CMIP: variants seen among roughly 807,000 people sequenced by gnomAD.
CMIP encodes the protein C-Maf-inducing protein.
Under a neutral mutation model 97.3 loss-of-function variants are expected in CMIP, and 13 were observed. The ratio of observed to expected loss-of-function variants is 0.13; its 90% CI spans 0.09 to 0.21. The LOEUF is 0.21. CMIP is among the 10% of genes least tolerant of loss of function. The pLI is 1.00. For synonymous variants in CMIP, 538 were observed against 436.3 expected (o/e 1.23, Z -2.91); for missense variants, 847 against 1,024.9 (o/e 0.83, Z 2.37).
intron 1 of CMIP, among the ~76,000 whole-genome samples, chr16:81,502,367 A>G (rs1350314433): frequency 2.6e-5 from 4 of 152,154 alleles, no homozygotes; most frequent in Non-Finnish European, 4.4e-5. Context: ...CAACTTATGT[A>G]TTGAGTATTC....
At chr16:81,644,504 G>A (rs565361511) in intron 3 of CMIP, among the ~76,000 whole-genome samples, 2 of 152,334 alleles carry the variant, frequency 1.3e-5, no homozygotes, top group African/African-American at 4.8e-5. Flanking sequence ...ACACCCATGG[G>A]ACAGTTATGA....
At chr16:81,496,674 G>A (rs1172937975) in intron 1 of CMIP, among the ~76,000 whole-genome samples, 1 of 152,244 alleles carries the variant, frequency 6.6e-6, no homozygotes, top group Non-Finnish European at 1.5e-5. Context: ...TCCTCCAACA[G>A]CAAGAAGAGA....
chr16:81,564,868 C>T (rs535184537), intron 1 of CMIP, among the ~76,000 whole-genome samples: 5 of 152,182 alleles, frequency 3.3e-5, no homozygotes, highest in African/African-American at 7.2e-5. Context: ...AGAATGAATT[C>T]GCAGAGGAGA....
chr16:81,491,130 C>T (rs537948096), intron 1 of CMIP, among the ~76,000 whole-genome samples: 71 of 152,276 alleles, frequency 4.7e-4, no homozygotes, highest in African/African-American at 1.6e-3. Flanking sequence ...CATGTGGGGT[C>T]TGGCCATTAC....
chr16:81,453,282 A>G lies in CMIP; in HGVS notation c.300+7741A>G, dbSNP rs1321423573. ...ATTGTGCTGGGCGAACTCTTTTTGG[A>G]GGGAAGCACGTGGTCTGGATCGTCT... On this transcript the variant is annotated intron_variant, in intron 1 of 20. Coordinates refer to ENST00000537098, the MANE Select transcript of CMIP (RefSeq NM_198390.3). This position sits in a 1 kb window ranked among gnomAD's most constrained non-coding sequence, Gnocchi z 4.0. Among the ~76,000 whole-genome samples the G allele has an allele frequency of 1.3e-5, 2 of 152,072 alleles. No homozygotes were observed. The highest frequency in any genetic ancestry group is 1.5e-5 in the Non-Finnish European group (1 of 67,992).
chr16:81,501,277 G>T (rs1237492408), intron 1 of CMIP, among the ~76,000 whole-genome samples: 1 of 152,236 alleles, frequency 6.6e-6, no homozygotes, highest in Non-Finnish European at 1.5e-5. Context: ...GAACAACTTT[G>T]GGTTGTGACG....
intron 1 of CMIP, among the ~76,000 whole-genome samples, chr16:81,540,082 C>T (rs573132709): frequency 3.0e-4 from 45 of 152,182 alleles, no homozygotes; most frequent in Non-Finnish European, 4.6e-4. Context: ...CTTGAAAGGT[C>T]GTTTTTAGTG....
intron 3 of CMIP, among the ~76,000 whole-genome samples, chr16:81,650,675 C>T (rs547519822): frequency 6.6e-6 from 1 of 152,182 alleles, no homozygotes; most frequent in East Asian, 1.9e-4. Context: ...TCAGTCTCAG[C>T]GTTCCTTTTT....
At chr16:81,589,776 C>T (rs530118375) in intron 1 of CMIP, among the ~76,000 whole-genome samples, 3 of 152,368 alleles carry the variant, frequency 2.0e-5, no homozygotes, top group African/African-American at 7.2e-5. Context: ...TAAAAAGTAG[C>T]CTTCTCTCTG....
chr16:81,642,897 C>CA (rs2092322704), intron 3 of CMIP, among the ~76,000 whole-genome samples: 2 of 148,518 alleles, frequency 1.3e-5, no homozygotes, highest in Admixed American at 6.9e-5. Flanking sequence ...CTCCATCTCG[C>CA]AAAAAAAAGA....
At chr16:81,452,542 G>A (rs1906282570) in intron 1 of CMIP, among the ~76,000 whole-genome samples, 1 of 152,124 alleles carries the variant, frequency 6.6e-6, no homozygotes, top group Admixed American at 6.5e-5. Context: ...AAGCAAGCAG[G>A]GTGGGGCGAG....
intron 1 of CMIP, among the ~76,000 whole-genome samples, chr16:81,571,166 A>G (rs1370606017): frequency 1.3e-5 from 2 of 152,162 alleles, no homozygotes; most frequent in African/African-American, 4.8e-5. Flanking sequence ...CTCAAAAATA[A>G]AATCTGTTAA....
chr16:81,629,822 C>G (rs1177176490), intron 3 of CMIP, among the ~76,000 whole-genome samples: 2 of 152,240 alleles, frequency 1.3e-5, no homozygotes, highest in Non-Finnish European at 2.9e-5. Context: ...TACCAAAGGC[C>G]TCTGCTGTGG....
intron 1 of CMIP, among the ~76,000 whole-genome samples, chr16:81,471,058 C>T (rs112119949): frequency 1.8e-4 from 28 of 152,076 alleles, no homozygotes; most frequent in African/African-American, 4.6e-4. Context: ...AGGCACAATG[C>T]GTGCATACAA....
At chr16:81,696,143 C>G (rs184680967) in intron 13 of CMIP, 97 of 263,592 alleles carry the variant, frequency 3.7e-4, no homozygotes, top group Non-Finnish European at 5.9e-4. Flanking sequence ...GAGAACCAAA[C>G]AGAGAACGGA....
intron 1 of CMIP, among the ~76,000 whole-genome samples, chr16:81,539,238 A>G (rs891906946): frequency 3.3e-5 from 5 of 152,214 alleles, no homozygotes; most frequent in Non-Finnish European, 5.9e-5. Context: ...ATTGCACAGA[A>G]AAACATTTTG....
chr16:81,668,812 CCA>C (rs1172933872), intron 7 of CMIP, among the ~76,000 whole-genome samples: 1 of 151,534 alleles, frequency 6.6e-6, no homozygotes, highest in East Asian at 1.9e-4. Context: ...CCATTCACAC[CCA>C]CCTCACACTC....
chr16:81,599,045 G>A lies in CMIP; in HGVS notation c.301-8522G>A, dbSNP rs1009778880. Among the ~76,000 whole-genome samples the A allele has an allele frequency of 2.6e-5, 4 of 151,530 alleles. 1 individual carries two copies. The highest frequency in any genetic ancestry group is 3.9e-4 in the East Asian group (2 of 5,154). ...GGGGAAGGTGCAGTGTCAAGTGTCA[G>A]CAAAAAGAACTGGTCAGTCGGCGTC... On this transcript the variant is annotated intron_variant, in intron 1 of 20. Transcript: ENST00000537098.
At chr16:81,459,773 C>A (rs1418647472) in intron 1 of CMIP, among the ~76,000 whole-genome samples, 1 of 152,206 alleles carries the variant, frequency 6.6e-6, no homozygotes, top group African/African-American at 2.4e-5. Flanking sequence ...CTTTGATCCC[C>A]CACTCGGGTC....
Sources: allele counts gnomAD v4.1 joint callset (sites outside exome capture counted in the v4.1 genomes callset), GRCh38; gene constraint gnomAD v4.1.1; non-coding constraint Gnocchi (gnomAD v3.1); transcripts MANE v1.5; gene names NCBI Gene and HGNC (gene_info 2026-07-23, HGNC 2026-07-21).